Variants in TBC1D19 observed in about 807,000 individuals in gnomAD.
The protein encoded by TBC1D19 is TBC1 domain family member 19, also known as TBC1 domain family, member 19.
In TBC1D19, 60 loss-of-function variants were observed where a neutral mutation model predicts 89.0. The ratio of observed to expected loss-of-function variants is 0.67; its 90% CI spans 0.55 to 0.84. TBC1D19 has a LOEUF of 0.84. Among genes scored for constraint, TBC1D19 ranks in the 40% least tolerant of loss-of-function variants. The pLI is 0.00. For missense variants in TBC1D19, 500 were observed against 610.8 expected (o/e 0.82, Z 1.91); for synonymous variants, 189 against 199.7 (o/e 0.95, Z 0.45).
intron 5 of TBC1D19, 134 bp downstream of exon 5, chr4:26,637,419 C>T: frequency 2.9e-6 from 2 of 681,076 alleles, no homozygotes; most frequent in South Asian, 2.6e-5. Flanking sequence ...GTCACCCAGG[C>T]TGGAGTGCAG....
the TBC1D19 span, among the ~76,000 whole-genome samples, chr4:26,784,488 T>G: frequency 6.6e-6 from 1 of 152,200 alleles, no homozygotes; most frequent in African/African-American, 2.4e-5. Flanking sequence ...CCTCAGATCT[T>G]AGGCTATGGC....
At chr4:26,682,492 G>A (rs187495667) in intron 11 of TBC1D19, among the ~76,000 whole-genome samples, 4 of 152,200 alleles carry the variant, frequency 2.6e-5, no homozygotes, top group Admixed American at 1.3e-4. Context: ...TCCTGGCCAG[G>A]CAGCTACATG....
chr4:26,671,657 T>C (rs994092639), intron 9 of TBC1D19, among the ~76,000 whole-genome samples: 1 of 151,896 alleles, frequency 6.6e-6, no homozygotes, highest in African/African-American at 2.4e-5. Context: ...AGTAAGGCTT[T>C]TATTAGATAT....
intron 4 of TBC1D19, among the ~76,000 whole-genome samples, chr4:26,622,593 T>C (rs1262010610): frequency 2.6e-5 from 4 of 152,196 alleles, no homozygotes; most frequent in African/African-American, 9.6e-5. Context: ...CCACCTATTT[T>C]TATAGGGCTG....
chr4:26,749,035 C>T (rs1718801786), intron 19 of TBC1D19, among the ~76,000 whole-genome samples: 1 of 152,198 alleles, frequency 6.6e-6, no homozygotes, highest in Non-Finnish European at 1.5e-5. Context: ...CTGACTTCCT[C>T]CCTGGTGGCT....
At chr4:26,673,725 T>A in intron 10 of TBC1D19, 51 bp from the exon 11 acceptor site, 2 of 1,142,228 alleles carry the variant, frequency 1.8e-6, no homozygotes, top group South Asian at 2.6e-5. Flanking sequence ...ATTTCAGTGA[T>A]GTTTCTTACA....
At chr4:26,829,951 G>C in the TBC1D19 span, among the ~76,000 whole-genome samples, 72,841 of 151,902 alleles carry the variant, frequency 0.48, 17,740 homozygotes, top group Non-Finnish European at 0.51. Context: ...TACCTTCGGG[G>C]AATGGCAATG....
At chr4:26,704,266 C>T (rs950864943) in intron 13 of TBC1D19, among the ~76,000 whole-genome samples, 3 of 152,158 alleles carry the variant, frequency 2.0e-5, no homozygotes, top group African/African-American at 7.2e-5. Flanking sequence ...AGTAGTTTGA[C>T]AGTACCATTT....
chr4:26,796,971 A>G, the TBC1D19 span, among the ~76,000 whole-genome samples: 1 of 152,228 alleles, frequency 6.6e-6, no homozygotes, highest in African/African-American at 2.4e-5. Flanking sequence ...GTTAAATTTT[A>G]TGGTATATAA....
chr4:26,613,222 G>A lies in TBC1D19; in HGVS notation c.153G>A (p.Lys51=). Residue 51 remains lysine, a synonymous_variant, in exon 2 of 21, where the codon AAG becomes AAA. Coordinates refer to ENST00000264866, the MANE Select transcript of TBC1D19 (RefSeq NM_018317.4). ...TTGAATCACTGAAAGAAGATATTAAGGAATTCTTTAAAATATCAGGTTTGT... is the reference window on the plus strand; with the variant it reads ...TTGAATCACTGAAAGAAGATATTAAAGAATTCTTTAAAATATCAGGTTTGT... ...IKLESLKEDI[K]EFFKISGWEK... The A allele has an allele frequency of 6.3e-7, 1 of 1,576,062 alleles. No homozygotes were observed. The highest frequency in any genetic ancestry group is 8.6e-7 in the Non-Finnish European group (1 of 1,157,786).
chr4:26,710,623 G>T (rs993539957), intron 13 of TBC1D19, among the ~76,000 whole-genome samples: 3 of 152,134 alleles, frequency 2.0e-5, no homozygotes, highest in African/African-American at 7.2e-5. Context: ...TTCCACAATG[G>T]TTGAACTAGT....
chr4:26,794,669 C>A, the TBC1D19 span, among the ~76,000 whole-genome samples: 1 of 152,000 alleles, frequency 6.6e-6, no homozygotes, highest in Non-Finnish European at 1.5e-5. Context: ...ACAGTAATAC[C>A]AGATGGTGTC....
intron 16 of TBC1D19, among the ~76,000 whole-genome samples, chr4:26,738,144 A>G (rs1718152538): frequency 6.6e-6 from 1 of 151,460 alleles, no homozygotes; most frequent in Non-Finnish European, 1.5e-5. Context: ...AAGCTTTTCC[A>G]TTTCATAGCT....
At chr4:26,603,351 G>A (rs902967790) in intron 1 of TBC1D19, among the ~76,000 whole-genome samples, 3 of 152,072 alleles carry the variant, frequency 2.0e-5, no homozygotes, top group South Asian at 2.1e-4. Flanking sequence ...TGTATGATAC[G>A]TAAAAAATTA....
intron 1 of TBC1D19, among the ~76,000 whole-genome samples, chr4:26,607,774 C>A (rs550787745): frequency 6.6e-6 from 1 of 152,306 alleles, no homozygotes; most frequent in African/African-American, 2.4e-5. Context: ...CAGAATAGAA[C>A]CTGTTTCTCT....
the TBC1D19 span, among the ~76,000 whole-genome samples, chr4:26,824,223 G>A: frequency 6.6e-6 from 1 of 152,208 alleles, no homozygotes; most frequent in Non-Finnish European, 1.5e-5. Context: ...GAGATAAAGA[G>A]ATGATAAGAG....
intron 1 of TBC1D19, among the ~76,000 whole-genome samples, chr4:26,579,021 G>C (rs1739022334): frequency 6.6e-6 from 1 of 152,058 alleles, no homozygotes; most frequent in Non-Finnish European, 1.5e-5. Context: ...ATTTTGCAAT[G>C]GGTTAGCCTT....
In TBC1D19 at chr4:26,673,829, C is replaced by G. The variant is rs1364483712; in HGVS notation, c.757C>G (p.Pro253Ala). The G allele has an allele frequency of 1.9e-6, 3 of 1,610,786 alleles. No homozygotes were observed. The highest frequency in any genetic ancestry group is 2.5e-6 in the Non-Finnish European group (3 of 1,178,018). ...AAQQYIRQGS[P>A]TALRAELWAL... ...TCAACAGTACATCAGACAAGGAAGT[C>G]CCACGGCACTGAGAGCTGAATTGTG... Residue 253 changes from proline to alanine, a missense_variant, in exon 11 of 21, where the codon CCC (proline) becomes GCC (alanine). By Grantham distance (27) the Pro-to-Ala change is conservative. Around this residue, in one of 2 missense-constraint regions of TBC1D19, gnomAD observed 280 missense variants for 291.7 expected, o/e 0.96. Transcript: ENST00000264866.
intron 1 of TBC1D19, among the ~76,000 whole-genome samples, chr4:26,593,815 G>A (rs907027748): frequency 1.2e-4 from 19 of 152,184 alleles, no homozygotes; most frequent in African/African-American, 4.1e-4. Context: ...AGTTAGAATG[G>A]CGATCATTAA....
Sources: allele counts gnomAD v4.1 joint callset (sites outside exome capture counted in the v4.1 genomes callset), GRCh38; gene constraint gnomAD v4.1.1; regional missense constraint gnomAD v4.1.1; transcripts MANE v1.5; gene names NCBI Gene and HGNC (gene_info 2026-07-23, HGNC 2026-07-21).